PKP4: variants seen among roughly 807,000 people sequenced by gnomAD.
The protein encoded by PKP4 is plakophilin 4.
A neutral mutation model predicts 145.1 loss-of-function variants in PKP4; 90 were observed. That is an observed-to-expected ratio of 0.62 (90% CI 0.52 to 0.74). PKP4 has a LOEUF of 0.74. Among genes scored for constraint, PKP4 ranks in the 30% least tolerant of loss-of-function variants. PKP4 has a pLI of 0.00. For missense variants in PKP4, 1,340 were observed against 1,482.7 expected, an observed-to-expected ratio of 0.90 and a Z score of 1.58; for synonymous variants, 563 against 577.2, an observed-to-expected ratio of 0.98 and a Z score of 0.35.
intron 2 of PKP4, among the ~76,000 whole-genome samples, chr2:158,550,161 A>G (rs750975339): frequency 5.9e-5 from 6 of 100,842 alleles, no homozygotes; most frequent in Non-Finnish European, 1.4e-4. Flanking sequence ...CAATCTATTA[A>G]TGTGGAAAAA....
chr2:158,549,149 G>C (rs2045359313), intron 2 of PKP4: 1 of 200,032 alleles, frequency 5.0e-6, no homozygotes, highest in Admixed American at 4.6e-5. Flanking sequence ...GCAGTGTCCT[G>C]GGTTCCAAGT....
chr2:158,553,675 TG>T (rs1365933821), intron 2 of PKP4, among the ~76,000 whole-genome samples: 1 of 152,198 alleles, frequency 6.6e-6, no homozygotes, highest in African/African-American at 2.4e-5. Context: ...TGAAATTATT[TG>T]GGAAAGGTGG....
At chr2:158,574,128 C>G (rs1472628847) in intron 2 of PKP4, among the ~76,000 whole-genome samples, 1 of 152,190 alleles carries the variant, frequency 6.6e-6, no homozygotes, top group African/African-American at 2.4e-5. Flanking sequence ...GAAGTAAATA[C>G]AAAGAAAAGC....
rs750187726 is a variant in PKP4 at position 158,634,228 on chromosome 2, G to A, written c.1501G>A (p.Val501Met). ...CAATTATAACAGGCTTCAGCATGCAGTGCCGGCTGATGATGGCACCACAAG... is the reference window on the plus strand; with the variant it reads ...CAATTATAACAGGCTTCAGCATGCAATGCCGGCTGATGATGGCACCACAAG... ...ECNYNRLQHA[V>M]PADDGTTRSP... is the part of the protein sequence containing the mutation. The change falls in exon 9 of 22, where the codon GTG becomes ATG. Residue 501 changes from valine (V) to methionine (M), a missense_variant. By Grantham distance (21) the Val-to-Met change is conservative. Transcript: ENST00000389759. 2 of 1,614,066 alleles carry A rather than the reference G, an allele frequency of 1.2e-6. No homozygotes were observed. Among genetic ancestry groups the A allele is most frequent in the Non-Finnish European group, 1.7e-6 (2 of 1,180,006 alleles).
At chr2:158,477,133 A>G (rs757667849) in intron 1 of PKP4, among the ~76,000 whole-genome samples, 1 of 152,178 alleles carries the variant, frequency 6.6e-6, no homozygotes, top group African/African-American at 2.4e-5. Flanking sequence ...AGCCACAGAT[A>G]TGACCACATT....
At chr2:158,481,726 A>G (rs1013306957) in intron 1 of PKP4, among the ~76,000 whole-genome samples, 1 of 152,128 alleles carries the variant, frequency 6.6e-6, no homozygotes, top group African/African-American at 2.4e-5. Flanking sequence ...TGCCCTTTTT[A>G]AAATTGACGT....
chr2:158,468,868 G>A (rs563797675), intron 1 of PKP4, among the ~76,000 whole-genome samples: 2 of 139,802 alleles, frequency 1.4e-5, no homozygotes, highest in Non-Finnish European at 3.0e-5. Context: ...TCAAATTCCT[G>A]AGCTCAAGGG....
chr2:158,582,563 A>G (rs1358123336), intron 3 of PKP4, among the ~76,000 whole-genome samples: 1 of 152,190 alleles, frequency 6.6e-6, no homozygotes, highest in Non-Finnish European at 1.5e-5. Flanking sequence ...AATGAATTCC[A>G]CAATTCATGT....
intron 2 of PKP4, among the ~76,000 whole-genome samples, chr2:158,564,010 T>C (rs560231994): frequency 5.9e-5 from 9 of 152,184 alleles, no homozygotes; most frequent in Non-Finnish European, 1.3e-4. Flanking sequence ...ATACTTCGTG[T>C]CTTTTCTTTT....
intron 1 of PKP4, among the ~76,000 whole-genome samples, chr2:158,467,580 T>C (rs1690834011): frequency 6.8e-6 from 1 of 148,102 alleles, no homozygotes; most frequent in African/African-American, 2.5e-5. Context: ...GCACGGTGGC[T>C]CGCTCCTGTA....
chr2:158,669,636 G>C, intron 16 of PKP4, 84 bp from the exon 17 acceptor site: 1 of 1,113,004 alleles, frequency 9.0e-7, no homozygotes, highest in Non-Finnish European at 1.2e-6. Flanking sequence ...ATTTTTAAGA[G>C]ATTGCATGCC....
chr2:158,551,055 T>A (rs1454011962), intron 2 of PKP4, among the ~76,000 whole-genome samples: 3 of 152,256 alleles, frequency 2.0e-5, no homozygotes, highest in Non-Finnish European at 2.9e-5. Context: ...CAAATACAGT[T>A]ACTTAGTTGT....
chr2:158,654,144 A>G (rs2055669421), intron 11 of PKP4, among the ~76,000 whole-genome samples: 1 of 152,206 alleles, frequency 6.6e-6, no homozygotes, highest in Non-Finnish European at 1.5e-5. Flanking sequence ...GAAAGTGAGG[A>G]AGAAAAACCA....
At chr2:158,627,650 A>AATATATATATATATATATATATAT (rs3836167) in intron 7 of PKP4, among the ~76,000 whole-genome samples, 1 of 147,610 alleles carries the variant, frequency 6.8e-6, no homozygotes, top group Admixed American at 6.8e-5. Flanking sequence ...AAACTACAGA[A>AATATATATATATATATATATATAT]ATATATATAT....
Position 158,614,066 on chromosome 2 carries a change from C to G in PKP4, c.281-6924C>G, listed in dbSNP as rs1360294690. On this transcript the variant is annotated intron_variant, in intron 4 of 21. Transcript: ENST00000389759. ...ACAAGCCAACTGAAGAAACACATTT[C>G]CAAGACATCTGAAAAATTTGAATTT... Among the ~76,000 whole-genome samples the G allele has an allele frequency of 3.9e-5, 6 of 152,190 alleles. No individual in the cohort carries two copies. In the East Asian group the frequency reaches 1.2e-3, roughly 29 times the overall value.
At chr2:158,661,577 ATC>A (rs2105978249) in intron 13 of PKP4, 127 bp downstream of exon 13, 2 of 648,872 alleles carry the variant, frequency 3.1e-6, no homozygotes, top group East Asian at 5.5e-5. Context: ...CACTCTCCAG[ATC>A]AAAGGGCAAG....
At chr2:158,652,974 C>T (rs1220651814) in intron 11 of PKP4, among the ~76,000 whole-genome samples, 1 of 152,192 alleles carries the variant, frequency 6.6e-6, no homozygotes, top group Non-Finnish European at 1.5e-5. Context: ...CCAGAGCACT[C>T]AGAGCGAGGT....
At chr2:158,572,077 A>T (rs1180590136) in intron 2 of PKP4, among the ~76,000 whole-genome samples, 1 of 152,192 alleles carries the variant, frequency 6.6e-6, no homozygotes, top group Non-Finnish European at 1.5e-5. Flanking sequence ...AAGAGAAAAC[A>T]AAAGAAGAAA....
intron 1 of PKP4, among the ~76,000 whole-genome samples, chr2:158,469,820 T>C (rs138620963): frequency 2.6e-5 from 4 of 152,322 alleles, no homozygotes; most frequent in African/African-American, 9.6e-5. Context: ...CTCAGCACTA[T>C]TTACTTTCAC....
Sources: gnomAD v4.1 joint callset for allele counts (sites outside exome capture counted in the v4.1 genomes callset) on GRCh38, gnomAD v4.1.1 for gene constraint, MANE v1.5 for transcripts, NCBI Gene and HGNC (gene_info 2026-07-23, HGNC 2026-07-21) for gene names.